The following SORL1 variants were observed in gnomAD, a reference collection of about 807,000 sequenced individuals.
The protein encoded by SORL1 is sortilin-related receptor.
SORL1 carries 127 observed loss-of-function variants against 273.7 expected under a neutral mutation model. That is an observed-to-expected ratio of 0.46 (90% CI 0.40 to 0.54). The LOEUF is 0.54. Ranked by LOEUF, SORL1 falls within the 20% of genes least tolerant of loss-of-function variation. The probability of loss-of-function intolerance (pLI) is 0.00; values close to 1 mark genes in which losing one functional copy is unlikely to be tolerated. For missense variants in SORL1, 2,494 were observed against 2,846.1 expected, an observed-to-expected ratio of 0.88 and a Z score of 2.81; for synonymous variants, 1,031 against 1,067.4, an observed-to-expected ratio of 0.97 and a Z score of 0.66.
rs1418031792 is a variant in SORL1 at position 121,604,256 on chromosome 11, T to C, written c.4583T>C (p.Ile1528Thr). Residue 1528 changes from isoleucine (I) to threonine (T), a missense_variant, in exon 33 of 48, where the codon ATT becomes ACT. This residue lies in a region of SORL1 where 1,609 missense variants were observed against 1,816.4 expected (regional missense o/e 0.89). Transcript: ENST00000260197. ...CAGTGCGAGGACGGGGAGGCCTGCATTGTGCTCTCGGAGCGCTGCGACGGC... is the reference window on the plus strand; with the variant it reads ...CAGTGCGAGGACGGGGAGGCCTGCACTGTGCTCTCGGAGCGCTGCGACGGC... ...EFQCEDGEACIVLSERCDGFL... is the reference protein window; with the variant it reads ...EFQCEDGEACTVLSERCDGFL... 1 of 1,613,998 alleles carries C rather than the reference T, an allele frequency of 6.2e-7. No individual in the cohort carries two copies. The highest frequency in any genetic ancestry group is 1.3e-5 in the African/African-American group (1 of 74,908).
chr11:121,456,930 G>T (rs545385779), intron 1 of SORL1, among the ~76,000 whole-genome samples: 1 of 152,314 alleles, frequency 6.6e-6, no homozygotes, highest in African/African-American at 2.4e-5. Flanking sequence ...ACTTGCTTGG[G>T]AAAGAATTGG....
At position 121,627,468 on chromosome 11, in the gene SORL1, T is replaced by C. The variant is rs1048859810; in HGVS notation, c.6365-87T>C. ...GTGTAGCTGTGGCTATCGCCCAGCT[T>C]TTTTTGGTGGGTGGGGCCTTGAGGA... On this transcript the variant is annotated intron_variant, in intron 46 of 47. Transcript: ENST00000260197. The surrounding 1 kb of genome is among the most constrained non-coding windows in gnomAD (Gnocchi z 4.9). The C allele has an allele frequency of 8.1e-6, 9 of 1,114,826 alleles. No homozygotes were observed. Among genetic ancestry groups the C allele is most frequent in the Middle Eastern group, 2.0e-4 (1 of 4,978 alleles). 69.1% of individuals were successfully genotyped at this position (1,114,826 alleles called of 1,614,324 possible).
At chr11:121,454,371 A>C (rs982053412) in intron 1 of SORL1, among the ~76,000 whole-genome samples, 1 of 152,232 alleles carries the variant, frequency 6.6e-6, no homozygotes, top group Non-Finnish European at 1.5e-5. Flanking sequence ...TTTCAAAAAT[A>C]TGTGTACATG....
intron 8 of SORL1, among the ~76,000 whole-genome samples, chr11:121,519,225 T>C (rs887823837): frequency 6.6e-6 from 1 of 151,818 alleles, no homozygotes. Context: ...GGATTACAGG[T>C]GTGAGCCACC....
chr11:121,498,883 A>AT (rs924880357), intron 6 of SORL1, among the ~76,000 whole-genome samples: 1 of 151,690 alleles, frequency 6.6e-6, no homozygotes, highest in African/African-American at 2.4e-5. Flanking sequence ...CTCAAAAAAA[A>AT]AAAAAAGTTA....
At chr11:121,548,402 T>C (rs997693419) in intron 14 of SORL1, among the ~76,000 whole-genome samples, 1 of 152,192 alleles carries the variant, frequency 6.6e-6, no homozygotes, top group African/African-American at 2.4e-5. Flanking sequence ...CGAACTGAGG[T>C]AATGAAAGAG....
chr11:121,588,031 A>G lies in SORL1; in HGVS notation c.3826A>G (p.Thr1276Ala), dbSNP rs1332435185. 6.2e-7 allele frequency: 1 copy of G among 1,613,102 alleles called. No individual in the cohort carries two copies. The highest frequency in any genetic ancestry group is 8.5e-7 in the Non-Finnish European group (1 of 1,179,480). ...SDEQHCEPLC[T>A]HFMDFVCKNR... is the part of the protein sequence containing the mutation. ...TGGATCCCTTACAGAGCCCCTCTGT[A>G]CGCACTTCATGGACTTTGTGTGTAA... The change falls in exon 28 of 48, where the codon ACG becomes GCG. Residue 1276 changes from threonine to alanine, a missense_variant. Transcript: ENST00000260197.
chr11:121,549,289 C>G (rs1862474745), intron 14 of SORL1, among the ~76,000 whole-genome samples: 4 of 152,156 alleles, frequency 2.6e-5, no homozygotes, highest in Admixed American at 2.6e-4. Context: ...GTGGCGCAAT[C>G]ACGGCTCACT....
chr11:121,605,420 A>G lies in SORL1; in HGVS notation c.4797A>G (p.Ile1599Met), dbSNP rs924384455. 93 of 1,613,122 alleles carry G rather than the reference A, an allele frequency of 5.8e-5. No homozygotes were observed. Among genetic ancestry groups the G allele is most frequent in the Non-Finnish European group, 7.1e-5 (84 of 1,179,342 alleles). The change falls in exon 35 of 48, where the codon ATA becomes ATG. Residue 1599 changes from isoleucine to methionine, a missense_variant. Physicochemically the swap from Ile to Met is conservative, Grantham distance 10. Coordinates refer to ENST00000260197, the MANE Select transcript of SORL1 (RefSeq NM_003105.6). ...GGGCCAGGGTGGTTGGAGAGAGCAT[A>G]TGGAAGACTCTGGAGACCCACAGCA... is the stretch of plus-strand genomic sequence containing the variant. ...NVYYRVVGESIWKTLETHSNK... is the reference protein window; with the variant it reads ...NVYYRVVGESMWKTLETHSNK...
At chr11:121,459,297 C>T (rs193243915) in intron 1 of SORL1, among the ~76,000 whole-genome samples, 39 of 152,352 alleles carry the variant, frequency 2.6e-4, no homozygotes, top group African/African-American at 8.9e-4. Context: ...CTCTTCTTCC[C>T]ACCTGTAGGC....
At position 121,584,936 on chromosome 11, in the gene SORL1, T is replaced by C. The variant is rs189307886; in HGVS notation, c.3707-1286T>C. ...CCAATGCCTGGCAATAACTTTTTGC[T>C]CAGGAGAAAGGGTGACCTAGTACTA... On this transcript the variant is annotated intron_variant, in intron 26 of 47. Transcript: ENST00000260197. Among the ~76,000 whole-genome samples the C allele has an allele frequency of 3.8e-3, 584 of 152,312 alleles. 3 individuals are homozygous for C. The highest frequency in any genetic ancestry group is 0.013 in the African/African-American group (558 of 41,572).
At chr11:121,463,018 A>G (rs748746865) in intron 1 of SORL1, among the ~76,000 whole-genome samples, 2 of 152,122 alleles carry the variant, frequency 1.3e-5, no homozygotes, top group Non-Finnish European at 2.9e-5. Context: ...AGCTGTGAGA[A>G]ATGACTTTGG....
chr11:121,521,636 C>T (rs548819760), intron 9 of SORL1, among the ~76,000 whole-genome samples: 1 of 152,186 alleles, frequency 6.6e-6, no homozygotes, highest in Non-Finnish European at 1.5e-5. Flanking sequence ...AATGAATAGA[C>T]TTCCTTGCAG....
intron 20 of SORL1, among the ~76,000 whole-genome samples, 196 bp from the exon 21 acceptor site, chr11:121,559,323 G>A (rs889794127): frequency 6.6e-6 from 1 of 152,144 alleles, no homozygotes; most frequent in African/African-American, 2.4e-5. Context: ...TTTCTTTTGG[G>A]CAGTTTCTTC....
At chr11:121,484,195 T>G (rs1463690792) in intron 3 of SORL1, among the ~76,000 whole-genome samples, 1 of 152,170 alleles carries the variant, frequency 6.6e-6, no homozygotes, top group Admixed American at 6.5e-5. Flanking sequence ...GGGAAATGTG[T>G]CTTCTGGCAA....
intron 16 of SORL1, among the ~76,000 whole-genome samples, chr11:121,553,411 A>C (rs1862533873): frequency 6.6e-6 from 1 of 152,214 alleles, no homozygotes; most frequent in Non-Finnish European, 1.5e-5. Context: ...ATGCATTATT[A>C]GTATTATTTT....
chr11:121,566,903 G>A (rs372111203), intron 21 of SORL1, 37 bp from the exon 22 acceptor site: 65 of 1,593,272 alleles, frequency 4.1e-5, no homozygotes, highest in Non-Finnish European at 4.9e-5. Flanking sequence ...CTCATGGTGT[G>A]TATTAACCTA....
chr11:121,552,829 C>A (rs1031102375), intron 16 of SORL1, among the ~76,000 whole-genome samples: 5 of 152,166 alleles, frequency 3.3e-5, no homozygotes, highest in African/African-American at 1.2e-4. Context: ...CCCAGGCATG[C>A]AGCAAAAGAA....
intron 44 of SORL1, among the ~76,000 whole-genome samples, 172 bp downstream of exon 44, chr11:121,621,410 G>A (rs915005299): frequency 2.6e-5 from 4 of 152,206 alleles, no homozygotes; most frequent in Admixed American, 6.5e-5. Context: ...GGTCTGAGCC[G>A]TGGCGTGGTG....
Sources: allele counts gnomAD v4.1 joint callset (sites outside exome capture counted in the v4.1 genomes callset), GRCh38; gene constraint gnomAD v4.1.1; regional missense constraint gnomAD v4.1.1; non-coding constraint Gnocchi (gnomAD v3.1); transcripts MANE v1.5; gene names NCBI Gene and HGNC (gene_info 2026-07-23, HGNC 2026-07-21).